Variants in ABCB5 observed in about 807,000 individuals in gnomAD.
ABCB5 encodes ATP-binding cassette sub-family B member 5.
Under a neutral mutation model 144.2 loss-of-function variants are expected in ABCB5, and 155 were observed. The observed-to-expected ratio is 1.08, with a 90% confidence interval of 0.94 to 1.23. The LOEUF (loss-of-function observed/expected upper bound fraction) is 1.23, where lower values mean the gene tolerates loss of function less well. Ranked by LOEUF, ABCB5 falls within the 50% of genes most tolerant of loss-of-function variation. The pLI, the probability that ABCB5 is intolerant of heterozygous loss-of-function variation, is 0.00. For synonymous variants in ABCB5, 610 were observed against 528.6 expected, an observed-to-expected ratio of 1.15 and a Z score of -2.11; for missense variants, 1,830 against 1,520.8, an observed-to-expected ratio of 1.20 and a Z score of -3.38.
intron 20 of ABCB5, among the ~76,000 whole-genome samples, chr7:20,707,870 C>T (rs1786873488): frequency 7.1e-6 from 1 of 141,768 alleles, no homozygotes; most frequent in Non-Finnish European, 1.5e-5. Context: ...GTGGCGCGAT[C>T]TCGGCTCACT....
At chr7:20,750,539 C>A (rs1280386593) in intron 26 of ABCB5, among the ~76,000 whole-genome samples, 1 of 152,062 alleles carries the variant, frequency 6.6e-6, no homozygotes, top group Non-Finnish European at 1.5e-5. Flanking sequence ...AATAAATAAT[C>A]AAATACATCT....
At chr7:20,699,366 T>C (rs1786529291) in intron 17 of ABCB5, among the ~76,000 whole-genome samples, 1 of 152,196 alleles carries the variant, frequency 6.6e-6, no homozygotes, top group African/African-American at 2.4e-5. Flanking sequence ...ATGGTGCACT[T>C]TTTCCCACAG....
Position 20,662,392 on chromosome 7 carries a change from A to G in ABCB5, c.1707+3716A>G, listed in dbSNP as rs181113828. Among the ~76,000 whole-genome samples the G allele has an allele frequency of 3.2e-3, 482 of 152,336 alleles. 1 individual carries two copies. Among genetic ancestry groups the G allele is most frequent in the Non-Finnish European group, 5.4e-3 (369 of 68,034 alleles). ...TGGACAATAAGGAAATTGGTGTATTACATTAAGCTGCCGGCCACTGGATTA... is the reference window on the plus strand; with the variant it reads ...TGGACAATAAGGAAATTGGTGTATTGCATTAAGCTGCCGGCCACTGGATTA... On this transcript the variant is annotated intron_variant, in intron 14 of 27. Coordinates refer to ENST00000404938, the MANE Select transcript of ABCB5 (RefSeq NM_001163941.2).
intron 14 of ABCB5, among the ~76,000 whole-genome samples, chr7:20,680,231 G>T (rs375983140): frequency 2.0e-5 from 3 of 151,994 alleles, no homozygotes; most frequent in South Asian, 4.1e-4. Flanking sequence ...GTTAGAAATC[G>T]GGATAGTGGT....
chr7:20,754,028 T>G (rs1783010395), intron 27 of ABCB5, among the ~76,000 whole-genome samples: 1 of 152,236 alleles, frequency 6.6e-6, no homozygotes, highest in Non-Finnish European at 1.5e-5. Context: ...TGCTATGTCC[T>G]TATCCCTTAG....
rs530965919 is a variant in ABCB5, at chr7:20,638,850, C to T, written c.315-4334C>T. ...ATGTACACTTCTTTGTGTGAACATA[C>T]GTTTTTATTACTCTTGAGTAGACCT... On this transcript the variant is annotated intron_variant, in intron 5 of 27. Transcript: ENST00000404938. Among the ~76,000 whole-genome samples the T allele has an allele frequency of 1.9e-4, 29 of 152,216 alleles. No homozygotes were observed. In the South Asian group the frequency reaches 2.3e-3, roughly 12 times the overall value.
chr7:20,673,687 G>C (rs904804316), intron 14 of ABCB5, among the ~76,000 whole-genome samples: 6 of 151,868 alleles, frequency 4.0e-5, no homozygotes, highest in African/African-American at 1.5e-4. Flanking sequence ...ATGACACGTA[G>C]TTGGGTCTTG....
At chr7:20,662,694 T>G (rs1029806723) in intron 14 of ABCB5, among the ~76,000 whole-genome samples, 3 of 152,194 alleles carry the variant, frequency 2.0e-5, no homozygotes, top group African/African-American at 7.2e-5. Context: ...ATTGGATATT[T>G]TATAAACCTG....
intron 19 of ABCB5, among the ~76,000 whole-genome samples, chr7:20,702,361 C>T (rs917754563): frequency 6.6e-6 from 1 of 152,116 alleles, no homozygotes; most frequent in Non-Finnish European, 1.5e-5. Flanking sequence ...TGATGGTGAT[C>T]ACTAAGGGGC....
intron 20 of ABCB5, among the ~76,000 whole-genome samples, chr7:20,708,338 C>T (rs539316681): frequency 6.6e-6 from 1 of 152,112 alleles, no homozygotes; most frequent in South Asian, 2.1e-4. Flanking sequence ...AAGGACGGCT[C>T]TTTTAAAAAA....
chr7:20,645,742 G>A lies in ABCB5; in HGVS notation c.679-14G>A. ...ACAGAGTCATTTTTTAACTGTGGTT[G>A]TGGTTTATTACAGATGGTCATCTCA... is the stretch of plus-strand genomic sequence containing the variant. On this transcript the variant is annotated splice_polypyrimidine_tract_variant and intron_variant, in intron 7 of 27. Coordinates refer to ENST00000404938, the MANE Select transcript of ABCB5 (RefSeq NM_001163941.2). 6.2e-7 allele frequency: 1 copy of A among 1,612,856 alleles called. No homozygotes were observed. Among genetic ancestry groups the A allele is most frequent in the Non-Finnish European group, 8.5e-7 (1 of 1,179,432 alleles).
chr7:20,703,372 G>A (rs998873815), intron 19 of ABCB5, among the ~76,000 whole-genome samples: 8 of 152,116 alleles, frequency 5.3e-5, no homozygotes, highest in African/African-American at 1.4e-4. Flanking sequence ...GCTACTGTCC[G>A]GTGCAGACTG....
chr7:20,646,173 G>A, intron 9 of ABCB5, 35 bp downstream of exon 9: 1 of 1,574,112 alleles, frequency 6.4e-7, no homozygotes, highest in South Asian at 1.2e-5. Context: ...GTCAGGCCTG[G>A]ATAATCTTTC....
chr7:20,658,694 TTTC>T lies in ABCB5; in HGVS notation c.1707+21_1707+23del, dbSNP rs1562544434. On this transcript the variant is annotated intron_variant, in intron 14 of 27. Transcript: ENST00000404938. ...TGGAGAAGGTAAGTGAGCAGAAACG[TTTC>T]TTATTTCCATACTCCTGGTTCATTA... 1 of 1,611,746 alleles carries T rather than the reference TTTC, an allele frequency of 6.2e-7. No individual in the cohort carries two copies. The highest frequency in any genetic ancestry group is 1.7e-5 in the Admixed American group (1 of 59,538).
intron 14 of ABCB5, among the ~76,000 whole-genome samples, chr7:20,666,510 C>T (rs1337119694): frequency 6.6e-6 from 1 of 152,176 alleles, no homozygotes; most frequent in Non-Finnish European, 1.5e-5. Flanking sequence ...GTATCTCTGC[C>T]TAGCAATTCT....
chr7:20,739,393 AT>A (rs1464078125), intron 24 of ABCB5, among the ~76,000 whole-genome samples: 7 of 152,206 alleles, frequency 4.6e-5, no homozygotes, highest in Admixed American at 2.0e-4. Context: ...TAAATGAAAA[AT>A]AAAAATAAAA....
At chr7:20,660,775 A>AAAG (rs1583404658) in intron 14 of ABCB5, among the ~76,000 whole-genome samples, 2 of 152,204 alleles carry the variant, frequency 1.3e-5, no homozygotes, top group African/African-American at 4.8e-5. Context: ...CTAACCAACG[A>AAAG]AAGAAGACAT....
At chr7:20,663,819 G>A (rs1413749839) in intron 14 of ABCB5, among the ~76,000 whole-genome samples, 3 of 149,698 alleles carry the variant, frequency 2.0e-5, no homozygotes, top group African/African-American at 4.9e-5. Context: ...AGGTTCAAGC[G>A]ATTCTCCTGC....
intron 1 of ABCB5, among the ~76,000 whole-genome samples, chr7:20,622,439 C>G (rs988621496): frequency 3.3e-5 from 5 of 152,094 alleles, no homozygotes; most frequent in African/African-American, 1.2e-4. Flanking sequence ...AAAAGCAGTT[C>G]TGATCCACTT....
Sources: allele counts gnomAD v4.1 joint callset (sites outside exome capture counted in the v4.1 genomes callset), GRCh38; gene constraint gnomAD v4.1.1; transcripts MANE v1.5; gene names NCBI Gene and HGNC (gene_info 2026-07-23, HGNC 2026-07-21).